Variants in PXDN observed in about 807,000 individuals in gnomAD.
PXDN encodes the protein peroxidasin homolog.
Under a neutral mutation model 140.3 loss-of-function variants are expected in PXDN, and 77 were observed. The ratio of observed to expected loss-of-function variants is 0.55; its 90% CI spans 0.46 to 0.66. The LOEUF is 0.66. Among genes scored for constraint, PXDN ranks in the 30% least tolerant of loss-of-function variants. The pLI, the probability that PXDN is intolerant of heterozygous loss-of-function variation, is 0.00. For missense variants in PXDN, 1,838 were observed against 2,039.5 expected (o/e 0.90, Z 1.90); for synonymous variants, 911 against 857.4 (o/e 1.06, Z -1.09).
At chr2:1,721,170 C>T (rs1685041310) in intron 1 of PXDN, among the ~76,000 whole-genome samples, 1 of 152,196 alleles carries the variant, frequency 6.6e-6, no homozygotes, top group Non-Finnish European at 1.5e-5. Flanking sequence ...AGTGGCCCAG[C>T]CAAGTCGACA....
intron 16 of PXDN, among the ~76,000 whole-genome samples, chr2:1,652,790 C>G (rs1186867094): frequency 6.6e-6 from 1 of 152,230 alleles, no homozygotes; most frequent in African/African-American, 2.4e-5. Context: ...TTCCACGTCT[C>G]TTTCATTTAA....
rs146093600 is a variant in PXDN at position 1,666,298 on chromosome 2, C to A, written c.1207G>T (p.Val403Leu). ...PSGGLYIQNV[V>L]QGDSGEYACS... is the part of the protein sequence containing the mutation. ...GCATACTCTCCGCTGTCCCCCTGTA[C>A]GACGTTCTGTATGTAAAGCCCGCCA... The change falls in exon 10 of 23, where the codon GTA (valine) becomes TTA (leucine). Residue 403 changes from valine (V) to leucine (L), a missense_variant. By Grantham distance (32) the Val-to-Leu change is conservative. Around this residue, in one of 5 missense-constraint regions of PXDN, gnomAD observed 537 missense variants for 583.9 expected, o/e 0.92. Transcript: ENST00000252804. 13 of 1,613,916 alleles carry A rather than the reference C, an allele frequency of 8.1e-6. No homozygotes were observed. The highest frequency in any genetic ancestry group is 1.1e-5 in the Non-Finnish European group (13 of 1,179,912).
chr2:1,663,252 C>T (rs2125425073), intron 12 of PXDN, among the ~76,000 whole-genome samples: 1 of 152,268 alleles, frequency 6.6e-6, no homozygotes, highest in African/African-American at 2.4e-5. Context: ...GACTGTGTTA[C>T]TTAAATAACC....
intron 12 of PXDN, 77 bp downstream of exon 12, chr2:1,663,528 T>C: frequency 6.4e-7 from 1 of 1,554,734 alleles, no homozygotes; most frequent in East Asian, 2.3e-5. Flanking sequence ...GTAACACTAA[T>C]GTCAGCTGCG....
At chr2:1,709,479 GC>G (rs1684703013) in intron 1 of PXDN, among the ~76,000 whole-genome samples, 1 of 151,630 alleles carries the variant, frequency 6.6e-6, no homozygotes, top group African/African-American at 2.4e-5. Flanking sequence ...GGGCTGGGGT[GC>G]AGCAGGGCTG....
intron 1 of PXDN, among the ~76,000 whole-genome samples, chr2:1,729,308 G>A (rs1426473792): frequency 1.3e-5 from 2 of 152,128 alleles, no homozygotes; most frequent in Non-Finnish European, 2.9e-5. Context: ...CACCATCCCG[G>A]GGTCAGAGAC....
At chr2:1,673,445 T>TAACTGGGGACCAC (rs1683623269) in intron 9 of PXDN, among the ~76,000 whole-genome samples, 198 bp downstream of exon 9, 1 of 152,108 alleles carries the variant, frequency 6.6e-6, no homozygotes, top group Admixed American at 6.5e-5. Context: ...GATGAGGGGC[T>TAACTGGGGACCAC]AACTGGGGAC....
At chr2:1,678,418 T>G (rs1683782709) in intron 7 of PXDN, among the ~76,000 whole-genome samples, 1 of 152,196 alleles carries the variant, frequency 6.6e-6, no homozygotes, top group South Asian at 2.1e-4. Context: ...ACTGTACACC[T>G]GAACGGGGTG....
chr2:1,713,187 G>A lies in PXDN; in HGVS notation c.201-20053C>T, dbSNP rs569053790. On this transcript the variant is annotated intron_variant, in intron 1 of 22. Transcript: ENST00000252804. Reference sequence around the variant, plus strand: ...CCCCTGCCACCCTCCCACCTCTCTCGCGTCACAAGCAGGGCCCTCAGGATT... The same window carrying A: ...CCCCTGCCACCCTCCCACCTCTCTCACGTCACAAGCAGGGCCCTCAGGATT... Among the ~76,000 whole-genome samples the A allele has an allele frequency of 3.9e-5, 6 of 152,152 alleles. No homozygotes were observed. In the East Asian group the frequency reaches 5.8e-4, roughly 15 times the overall value.
chr2:1,658,152 C>T (rs1349314312), intron 14 of PXDN, among the ~76,000 whole-genome samples: 8 of 151,414 alleles, frequency 5.3e-5, no homozygotes, highest in African/African-American at 1.9e-4. Flanking sequence ...GCCTTGCCCG[C>T]CCGGCCTCTG....
At chr2:1,710,966 T>G (rs1684755193) in intron 1 of PXDN, among the ~76,000 whole-genome samples, 1 of 87,378 alleles carries the variant, frequency 1.1e-5, no homozygotes, top group Non-Finnish European at 2.3e-5. Context: ...CAGTACCCAC[T>G]CTCCACCAGC....
In PXDN at chr2:1,649,553, T is replaced by C; in HGVS notation, c.2227A>G (p.Thr743Ala). ...SDMCFHQKYRTHDGTCNNLQH... is the reference protein window; with the variant it reads ...SDMCFHQKYRAHDGTCNNLQH... ...AGGTTGTTACAGGTGCCGTCGTGCG[T>C]CCGGTACTTCTGGTGGAAGCACATG... The change falls in exon 17 of 23, where the codon ACG becomes GCG. Residue 743 changes from threonine to alanine, a missense_variant. By Grantham distance (58) the Thr-to-Ala change is moderately conservative. Coordinates refer to ENST00000252804, the MANE Select transcript of PXDN (RefSeq NM_012293.3). The surrounding 1 kb of genome is among the most constrained non-coding windows in gnomAD (Gnocchi z 7.1). The C allele has an allele frequency of 3.7e-6, 6 of 1,614,018 alleles. No individual in the cohort carries two copies. Among genetic ancestry groups the C allele is most frequent in the Non-Finnish European group, 5.1e-6 (6 of 1,179,878 alleles).
At chr2:1,635,304 G>T (rs1682520271) in intron 22 of PXDN, 104 bp downstream of exon 22, 1 of 930,326 alleles carries the variant, frequency 1.1e-6, no homozygotes, top group Non-Finnish European at 1.7e-6. Flanking sequence ...GGTAGGCGGG[G>T]AGGGGCCTGG....
At position 1,685,858 on chromosome 2, in the gene PXDN, G is replaced by A. The variant is rs1349967272; in HGVS notation, c.417-1707C>T. Among the ~76,000 whole-genome samples, 6 of 152,048 alleles carry A rather than the reference G, an allele frequency of 3.9e-5. No homozygotes were observed. Among genetic ancestry groups the A allele is most frequent in the African/African-American group, 1.4e-4 (6 of 41,392 alleles). On this transcript the variant is annotated intron_variant, in intron 4 of 22. Transcript: ENST00000252804. This position sits in a 1 kb window ranked among gnomAD's most constrained non-coding sequence, Gnocchi z 5.1. The stretch of plus-strand genomic sequence containing the variant: ...ATTGAGGAAACAGGACCAAAGACAG[G>A]AAATGGCTCCCCAAGTATACTGAGG...
intron 21 of PXDN, 142 bp from the exon 22 acceptor site, chr2:1,635,663 G>C: frequency 1.4e-6 from 1 of 731,730 alleles, no homozygotes; most frequent in Non-Finnish European, 2.4e-6. Flanking sequence ...AACTTTTACA[G>C]AATCTCCAAT....
intron 1 of PXDN, among the ~76,000 whole-genome samples, chr2:1,739,491 A>C (rs1685491434): frequency 6.6e-6 from 1 of 152,220 alleles, no homozygotes; most frequent in African/African-American, 2.4e-5. Context: ...GGAGGAAGGC[A>C]AGATCTAACA....
At chr2:1,686,730 C>T (rs1004460879) in intron 4 of PXDN, among the ~76,000 whole-genome samples, 2 of 152,194 alleles carry the variant, frequency 1.3e-5, no homozygotes, top group Admixed American at 6.5e-5. Flanking sequence ...CACACACTTT[C>T]GGAAACATGA....
chr2:1,682,127 T>C (rs1309708824), intron 6 of PXDN, among the ~76,000 whole-genome samples: 2 of 152,154 alleles, frequency 1.3e-5, no homozygotes, highest in African/African-American at 4.8e-5. Context: ...GAGGGGGACC[T>C]TGCCAGACAC....
intron 21 of PXDN, among the ~76,000 whole-genome samples, chr2:1,638,194 A>G (rs1275736335): frequency 6.6e-6 from 1 of 152,162 alleles, no homozygotes; most frequent in African/African-American, 2.4e-5. Flanking sequence ...TCCCATCCAC[A>G]CCAGCGGAGT....
Sources: allele counts gnomAD v4.1 joint callset (sites outside exome capture counted in the v4.1 genomes callset), GRCh38; gene constraint gnomAD v4.1.1; regional missense constraint gnomAD v4.1.1; non-coding constraint Gnocchi (gnomAD v3.1); transcripts MANE v1.5; gene names NCBI Gene and HGNC (gene_info 2026-07-23, HGNC 2026-07-21).